SRD5A2: variants seen among roughly 807,000 people sequenced by gnomAD.
SRD5A2 encodes 3-oxo-5-alpha-steroid 4-dehydrogenase 2.
A neutral mutation model predicts 27.4 loss-of-function variants in SRD5A2; 30 were observed. That is an observed-to-expected ratio of 1.10 (90% CI 0.82 to 1.49). The LOEUF (loss-of-function observed/expected upper bound fraction) is 1.49. SRD5A2 is among the 40% of genes most tolerant of loss of function. The pLI is 0.00. For synonymous variants in SRD5A2, 141 were observed against 133.6 expected (o/e 1.06, Z -0.38); for missense variants, 348 against 323.4 (o/e 1.08, Z -0.58).
At chr2:31,581,059 C>A (rs544456411), upstream of SRD5A2, 8 of 623,710 alleles carry the variant, frequency 1.3e-5, no homozygotes, top group Non-Finnish European at 1.8e-5. Context: ...AGCCCTGGCG[C>A]GGTTCGCAGC....
rs184546799 is a variant in SRD5A2 at position 31,564,482 on chromosome 2, G to A, written c.281+16138C>T. ...CTCAGCAAAAGAAAGGAGAAGTAGG[G>A]AGGGAATGAAGAATAGTGTATGAAA... On this transcript the variant is annotated intron_variant, in intron 1 of 4. Transcript: ENST00000622030. Among the ~76,000 whole-genome samples the A allele has an allele frequency of 5.9e-5, 9 of 152,128 alleles. No individual in the cohort carries two copies. The East Asian group carries it at 1.7e-3, about 29-fold the overall frequency.
the SRD5A2 span, among the ~76,000 whole-genome samples, chr2:31,620,854 C>T: frequency 2.0e-5 from 3 of 146,914 alleles, no homozygotes; most frequent in African/African-American, 7.4e-5. Flanking sequence ...TGTGAATCCA[C>T]GATGGTCTCA....
At chr2:31,651,134 A>T in the SRD5A2 span, among the ~76,000 whole-genome samples, 1 of 152,176 alleles carries the variant, frequency 6.6e-6, no homozygotes, top group Non-Finnish European at 1.5e-5. Context: ...ATGGTGCCTC[A>T]TGCCTAAGGG....
At chr2:31,590,563 G>T in the SRD5A2 span, among the ~76,000 whole-genome samples, 2 of 152,176 alleles carry the variant, frequency 1.3e-5, no homozygotes, top group South Asian at 2.1e-4. Flanking sequence ...TTTCTTCACA[G>T]AACTGGAAAA....
the SRD5A2 span, among the ~76,000 whole-genome samples, chr2:31,609,533 A>C: frequency 3.9e-5 from 6 of 152,174 alleles, no homozygotes; most frequent in Admixed American, 3.9e-4. Flanking sequence ...CTTTTTAACA[A>C]ATGATGTTGG....
intron 1 of SRD5A2, among the ~76,000 whole-genome samples, chr2:31,578,605 A>T (rs1040229293): frequency 1.3e-5 from 2 of 152,242 alleles, no homozygotes; most frequent in African/African-American, 4.8e-5. Flanking sequence ...GAATTCAAAA[A>T]AGAGGAAAGA....
At chr2:31,619,957 G>C in the SRD5A2 span, among the ~76,000 whole-genome samples, 1 of 152,042 alleles carries the variant, frequency 6.6e-6, no homozygotes, top group Non-Finnish European at 1.5e-5. Flanking sequence ...GATCTCATTT[G>C]TCAATTTTTG....
Position 31,525,594 on chromosome 2 carries a change from T to C in SRD5A2, c.*602A>G, listed in dbSNP as rs1186975626. On this transcript the variant is annotated 3_prime_UTR_variant, in exon 5 of 5. Coordinates refer to ENST00000622030, the MANE Select transcript of SRD5A2 (RefSeq NM_000348.4). ...CTGCACAAATTTGAAATGAGGTCAA[T>C]GCATCAGTATCTTTTCAGCACTATG... is the stretch of plus-strand genomic sequence containing the variant. 2 of 226,608 alleles carry C rather than the reference T, an allele frequency of 8.8e-6. No individual in the cohort carries two copies. Among genetic ancestry groups the C allele is most frequent in the East Asian group, 6.3e-5 (1 of 15,784 alleles). The allele number at this position is 226,608 out of a possible 1,614,324, so 14.0% of individuals were successfully genotyped here. A position where few individuals can be genotyped will look rare whatever the true frequency, so the allele number is the denominator to read the frequency against.
chr2:31,557,169 T>C (rs1038518555), intron 1 of SRD5A2, among the ~76,000 whole-genome samples: 1 of 152,208 alleles, frequency 6.6e-6, no homozygotes, highest in South Asian at 2.1e-4. Flanking sequence ...ATTACACCCC[T>C]GGTTGCACAA....
chr2:31,563,913 A>T (rs1666677295), intron 1 of SRD5A2, among the ~76,000 whole-genome samples: 1 of 152,102 alleles, frequency 6.6e-6, no homozygotes, highest in African/African-American at 2.4e-5. Flanking sequence ...AACAAATCAG[A>T]TCAAAGCCTG....
chr2:31,619,241 G>C, the SRD5A2 span, among the ~76,000 whole-genome samples: 1 of 151,980 alleles, frequency 6.6e-6, no homozygotes, highest in Non-Finnish European at 1.5e-5. Flanking sequence ...AGCCACTTTG[G>C]GAAACAATTT....
the SRD5A2 span, among the ~76,000 whole-genome samples, chr2:31,586,103 A>G: frequency 2.6e-5 from 4 of 152,092 alleles, no homozygotes; most frequent in Non-Finnish European, 5.9e-5. Flanking sequence ...GGTTACACAG[A>G]TAAGTTCTTA....
At chr2:31,582,132 C>G (rs1045858432), upstream of SRD5A2, among the ~76,000 whole-genome samples, 32 of 152,330 alleles carry the variant, frequency 2.1e-4, 1 homozygote, top group African/African-American at 6.7e-4. Flanking sequence ...GTTTTCTCCT[C>G]TGGTCCCTAC....
At chr2:31,554,924 C>CGTGTGTGTGTGTGTGTGTGTGT (rs59697517) in intron 1 of SRD5A2, among the ~76,000 whole-genome samples, 2 of 132,130 alleles carry the variant, frequency 1.5e-5, no homozygotes, top group Admixed American at 1.5e-4. Flanking sequence ...CTATCCTGAT[C>CGTGTGTGTGTGTGTGTGTGTGT]GTGTGTGTGT....
the SRD5A2 span, among the ~76,000 whole-genome samples, chr2:31,658,386 C>T: frequency 6.6e-6 from 1 of 151,856 alleles, no homozygotes; most frequent in Admixed American, 6.6e-5. Flanking sequence ...CAGAGCTGAC[C>T]TGAAGGGAAT....
chr2:31,661,813 T>C, the SRD5A2 span, among the ~76,000 whole-genome samples: 2 of 152,174 alleles, frequency 1.3e-5, no homozygotes, highest in Admixed American at 6.5e-5. Context: ...TATTCAATAG[T>C]GTCCCATAGA....
intron 1 of SRD5A2, among the ~76,000 whole-genome samples, chr2:31,560,782 T>A (rs1229154216): frequency 3.3e-5 from 5 of 152,138 alleles, no homozygotes; most frequent in African/African-American, 1.2e-4. Flanking sequence ...CCTATAGCCC[T>A]ACAGAGCTTG....
chr2:31,621,936 C>T, the SRD5A2 span, among the ~76,000 whole-genome samples: 5 of 144,760 alleles, frequency 3.5e-5, no homozygotes, highest in African/African-American at 7.7e-5. Context: ...AGCCACTCTA[C>T]CCTGACAGGT....
chr2:31,549,093 T>G (rs558189473), intron 1 of SRD5A2, among the ~76,000 whole-genome samples: 2 of 142,318 alleles, frequency 1.4e-5, no homozygotes, highest in East Asian at 4.0e-4. Context: ...TTATTATTAT[T>G]ATTATTATTA....
Sources: gnomAD v4.1 joint callset for allele counts (sites outside exome capture counted in the v4.1 genomes callset) on GRCh38, gnomAD v4.1.1 for gene constraint, MANE v1.5 for transcripts, NCBI Gene and HGNC (gene_info 2026-07-23, HGNC 2026-07-21) for gene names.